Variants in AFDN observed in about 807,000 individuals in gnomAD.
The protein encoded by AFDN is afadin.
A neutral mutation model predicts 216.6 loss-of-function variants in AFDN; 68 were observed. The observed-to-expected ratio is 0.31, with a 90% CI of 0.26 to 0.38. The LOEUF is 0.38. AFDN is among the 10% of genes least tolerant of loss of function. The pLI is 1.00. For missense variants in AFDN, 2,136 were observed against 2,342.0 expected (o/e 0.91, Z 1.82); for synonymous variants, 868 against 853.7 (o/e 1.02, Z -0.29).
intron 11 of AFDN, among the ~76,000 whole-genome samples, chr6:167,900,986 T>TA (rs796735735): frequency 6.4e-4 from 97 of 152,372 alleles, no homozygotes; most frequent in African/African-American, 2.2e-3. Context: ...TTTCAAAAGT[T>TA]ACTATTTTAA....
intron 13 of AFDN, among the ~76,000 whole-genome samples, chr6:167,910,582 A>G (rs1322549686): frequency 6.6e-6 from 1 of 152,198 alleles, no homozygotes; most frequent in Non-Finnish European, 1.5e-5. Flanking sequence ...GCGTCACTGT[A>G]AGCATTGGAA....
chr6:167,866,660 A>G (rs1196276559), intron 2 of AFDN, among the ~76,000 whole-genome samples: 1 of 152,142 alleles, frequency 6.6e-6, no homozygotes, highest in African/African-American at 2.4e-5. Flanking sequence ...AGACCCTGGG[A>G]GCCCTGACTT....
chr6:167,861,069 A>G (rs879497040), intron 1 of AFDN, among the ~76,000 whole-genome samples: 3 of 149,420 alleles, frequency 2.0e-5, no homozygotes, highest in Non-Finnish European at 4.5e-5. Flanking sequence ...ACTTCTTTGG[A>G]CCTCCCCTCC....
At chr6:167,894,504 A>G (rs1221548340) in intron 9 of AFDN, among the ~76,000 whole-genome samples, 1 of 152,102 alleles carries the variant, frequency 6.6e-6, no homozygotes, top group Admixed American at 6.5e-5. Flanking sequence ...CTGTCCTTCT[A>G]ATTTGGAGAG....
At chr6:167,910,741 T>C (rs1265524682) in intron 13 of AFDN, among the ~76,000 whole-genome samples, 17 of 152,216 alleles carry the variant, frequency 1.1e-4, no homozygotes, top group Admixed American at 9.8e-4. Context: ...AGTTTTTCTT[T>C]GTGTCACTTA....
intron 23 of AFDN, chr6:167,932,808 G>A (rs1163939758): frequency 6.6e-6 from 1 of 151,896 alleles, no homozygotes; most frequent in Admixed American, 6.6e-5. Flanking sequence ...GCTCACTGTG[G>A]TCTTGAAGGA....
chr6:167,858,546 A>T (rs746584726), intron 1 of AFDN, among the ~76,000 whole-genome samples: 2 of 152,162 alleles, frequency 1.3e-5, no homozygotes, highest in South Asian at 4.1e-4. Context: ...GGTCTTTCTC[A>T]GATTTGGTGA....
At chr6:167,870,602 T>C (rs1324609879) in intron 3 of AFDN, 104 bp downstream of exon 3, 2 of 629,960 alleles carry the variant, frequency 3.2e-6, no homozygotes, top group Non-Finnish European at 5.4e-6. Context: ...CTTTTTTGCT[T>C]CTCTTTATAA....
Position 167,915,152 on chromosome 6 carries a change from C to T in AFDN, c.2300-16C>T, listed in dbSNP as rs759209521. ...TGACATTTTGCTCCTCTTGTCCTCT[C>T]ACCCTGTCTGGGCAGATGATGTGCT... On this transcript the variant is annotated splice_polypyrimidine_tract_variant and intron_variant, in intron 18 of 33. Transcript: ENST00000683244. The T allele has an allele frequency of 1.9e-6, 3 of 1,612,962 alleles. No homozygotes were observed. The highest frequency in any genetic ancestry group is 1.7e-5 in the Admixed American group (1 of 60,016).
Position 167,902,314 on chromosome 6 carries a change from C to A in AFDN, c.1581-3C>A. The A allele has an allele frequency of 6.2e-7, 1 of 1,609,124 alleles. No homozygotes were observed. Among genetic ancestry groups the A allele is most frequent in the South Asian group, 1.1e-5 (1 of 90,918 alleles). ...CAGTGTGTTTCTTGTTTTATCCCAT[C>A]AGAATTGTTCAGGAGACAACTTTTG... is the stretch of plus-strand genomic sequence containing the variant. On this transcript the variant is annotated splice_polypyrimidine_tract_variant and splice_region_variant and intron_variant, in intron 11 of 33. Transcript: ENST00000683244.
chr6:167,895,868 G>C (rs527939962), intron 9 of AFDN, among the ~76,000 whole-genome samples: 1 of 152,284 alleles, frequency 6.6e-6, no homozygotes, highest in South Asian at 2.1e-4. Flanking sequence ...GACTCTTACT[G>C]GTTTGGCCTT....
intron 1 of AFDN, among the ~76,000 whole-genome samples, chr6:167,850,906 A>C (rs1782226764): frequency 6.6e-6 from 1 of 151,538 alleles, no homozygotes; most frequent in South Asian, 2.1e-4. Flanking sequence ...TGTGTGACAA[A>C]GTCTTGCTCT....
chr6:167,943,969 T>G lies in AFDN; in HGVS notation c.3268T>G (p.Ser1090Ala). 6.2e-7 allele frequency: 1 copy of G among 1,614,124 alleles called. No homozygotes were observed. The highest frequency in any genetic ancestry group is 8.5e-7 in the Non-Finnish European group (1 of 1,180,010). The change falls in exon 26 of 34, where the codon TCT (serine) becomes GCT (alanine). Residue 1090 changes from serine (S) to alanine (A), a missense_variant. Coordinates refer to ENST00000683244, the MANE Select transcript of AFDN (RefSeq NM_001386888.1). The stretch of plus-strand genomic sequence containing the variant: ...GGCAGAACTCATGACAAGAACAAGC[T>G]CTGTGGTGACACTGGAAGTAGCAAA... ...RAAELMTRTS[S>A]VVTLEVAKQG...
In AFDN at chr6:167,911,473, T is replaced by A; in HGVS notation, c.2021T>A (p.Met674Lys). ...IAVVNKMVSM[M>K]EGVIQEVDQV... ...GTCGTCAACAAGATGGTGAGCATGA[T>A]GGAGGGTGTCATCCAGGTACGTTCC... The change falls in exon 15 of 34, where the codon ATG becomes AAG. Residue 674 changes from methionine to lysine, a missense_variant. Coordinates refer to ENST00000683244, the MANE Select transcript of AFDN (RefSeq NM_001386888.1). The A allele has an allele frequency of 6.2e-7, 1 of 1,614,160 alleles. No individual in the cohort carries two copies. Among genetic ancestry groups the A allele is most frequent in the Non-Finnish European group, 8.5e-7 (1 of 1,180,008 alleles).
In AFDN at chr6:167,907,324, C is replaced by T. The variant is rs568037356; in HGVS notation, c.1769+35C>T. ...ACATCATTTTTCAATGGTGAAAGTA[C>T]TGAAAGTATTCCTAAAAAAGGGTTG... On this transcript the variant is annotated intron_variant, in intron 13 of 33. Coordinates refer to ENST00000683244, the MANE Select transcript of AFDN (RefSeq NM_001386888.1). 3.2e-4 allele frequency: 474 copies of T among 1,494,548 alleles called. 3 individuals carry two copies. The South Asian group carries it at 5.1e-3, about 16-fold the overall frequency. 92.6% of individuals were successfully genotyped at this position (1,494,548 alleles called of 1,614,324 possible). A position where few individuals can be genotyped will look rare whatever the true frequency, so the allele number is the denominator to read the frequency against.
intron 1 of AFDN, among the ~76,000 whole-genome samples, chr6:167,836,460 G>A (rs1002998439): frequency 6.6e-6 from 1 of 152,106 alleles, no homozygotes; most frequent in African/African-American, 2.4e-5. Flanking sequence ...CACAAACACA[G>A]ACAGTATTTT....
intron 23 of AFDN, among the ~76,000 whole-genome samples, chr6:167,929,610 G>A (rs1793027582): frequency 6.6e-6 from 1 of 152,206 alleles, no homozygotes; most frequent in South Asian, 2.1e-4. Flanking sequence ...AGCCTGAAGA[G>A]GTTTTGAGCA....
intron 1 of AFDN, among the ~76,000 whole-genome samples, chr6:167,841,732 G>A (rs111725767): frequency 6.6e-6 from 1 of 151,986 alleles, no homozygotes; most frequent in African/African-American, 2.4e-5. Context: ...ATATCAGTTA[G>A]AGTGTTTCAA....
chr6:167,853,050 A>C (rs1417440769), intron 1 of AFDN, among the ~76,000 whole-genome samples: 2 of 152,090 alleles, frequency 1.3e-5, no homozygotes, highest in African/African-American at 4.8e-5. Context: ...AAGAGACTAC[A>C]GTCTAAGTGC....
Sources: gnomAD v4.1 joint callset for allele counts (sites outside exome capture counted in the v4.1 genomes callset) on GRCh38, gnomAD v4.1.1 for gene constraint, MANE v1.5 for transcripts, NCBI Gene and HGNC (gene_info 2026-07-23, HGNC 2026-07-21) for gene names.